The following RNF135 variants were observed in gnomAD, a reference collection of about 807,000 sequenced individuals.
RNF135 encodes E3 ubiquitin-protein ligase RNF135.
In RNF135, 46 loss-of-function variants were observed where a neutral mutation model predicts 41.9. That is an observed-to-expected ratio of 1.10 (90% confidence interval 0.87 to 1.40). The LOEUF is 1.40. RNF135 is among the 40% of genes most tolerant of loss of function. RNF135 has a pLI of 0.00. For synonymous variants in RNF135, 238 were observed against 223.8 expected (o/e 1.06, Z -0.57); for missense variants, 539 against 549.8 (o/e 0.98, Z 0.20).
the RNF135 span, among the ~76,000 whole-genome samples, chr17:30,962,925 T>C: frequency 1.3e-5 from 2 of 152,072 alleles, no homozygotes; most frequent in Non-Finnish European, 2.9e-5. Context: ...TCACCAACAG[T>C]TGGTGTTGTC....
chr17:30,995,963 G>A (rs1006186282), intron 3 of RNF135, among the ~76,000 whole-genome samples: 3 of 151,854 alleles, frequency 2.0e-5, no homozygotes, highest in African/African-American at 7.3e-5. Flanking sequence ...TTTTAGTAGA[G>A]ATGGGGTTTC....
intron 1 of RNF135, among the ~76,000 whole-genome samples, chr17:30,981,264 G>T (rs1026406225): frequency 2.0e-5 from 3 of 149,106 alleles, no homozygotes; most frequent in South Asian, 2.1e-4. Context: ...ACAGGCTGAG[G>T]CAGGAGAATC....
At chr17:30,983,915 T>C (rs1907405691) in intron 1 of RNF135, among the ~76,000 whole-genome samples, 1 of 152,342 alleles carries the variant, frequency 6.6e-6, no homozygotes, top group African/African-American at 2.4e-5. Flanking sequence ...GAGAAATAGC[T>C]ATTCAAGTTC....
intron 1 of RNF135, among the ~76,000 whole-genome samples, chr17:30,981,022 T>TGGA (rs539056260): frequency 2.2e-5 from 3 of 138,060 alleles, no homozygotes; most frequent in Non-Finnish European, 3.1e-5. Flanking sequence ...GGCTGGGAGG[T>TGGA]GGTTGTAGCG....
chr17:30,978,560 C>T (rs1310613987), intron 1 of RNF135: 1 of 151,952 alleles, frequency 6.6e-6, no homozygotes, highest in Non-Finnish European at 1.5e-5. Flanking sequence ...TCTTCGATTC[C>T]AGAATTTCTG....
rs558799748 is a variant in RNF135 at position 30,992,169 on chromosome 17, T to C, written c.679+4063T>C. Among the ~76,000 whole-genome samples, 14 of 152,142 alleles carry C rather than the reference T, an allele frequency of 9.2e-5. No homozygotes were observed. In the South Asian group the frequency reaches 2.9e-3, roughly 32 times the overall value. On this transcript the variant is annotated intron_variant, in intron 3 of 4. Coordinates refer to ENST00000328381, the MANE Select transcript of RNF135 (RefSeq NM_032322.4). Reference sequence around the variant, plus strand: ...CTGGTCTCAAACTCTTGACCTCAGGTGATCCACCTGCCTTGGCTTCCCAAT... The same window carrying C: ...CTGGTCTCAAACTCTTGACCTCAGGCGATCCACCTGCCTTGGCTTCCCAAT...
the RNF135 span, among the ~76,000 whole-genome samples, chr17:30,963,095 T>G: frequency 9.4e-6 from 1 of 106,332 alleles, no homozygotes; most frequent in Non-Finnish European, 1.6e-5. Context: ...TTCCCTAGCT[T>G]TTTTTTTTTT....
chr17:30,976,873 C>G (rs999897340), intron 1 of RNF135, among the ~76,000 whole-genome samples: 19 of 151,978 alleles, frequency 1.3e-4, no homozygotes, highest in East Asian at 5.8e-4. Flanking sequence ...ATCATTGGGT[C>G]TTGTTTTTTT....
At chr17:30,969,638 C>A (rs79057693), upstream of RNF135, among the ~76,000 whole-genome samples, 155 of 152,322 alleles carry the variant, frequency 1.0e-3, 3 homozygotes, top group East Asian at 0.028. Flanking sequence ...CCAGTCCTAC[C>A]ATGTGCCCAG....
the RNF135 span, among the ~76,000 whole-genome samples, chr17:30,961,893 A>G: frequency 6.6e-5 from 10 of 152,192 alleles, no homozygotes; most frequent in African/African-American, 2.2e-4. Context: ...ACAAGCATGT[A>G]AACTACTGTG....
chr17:30,997,677 TCA>T, intron 4 of RNF135: 1 of 406,636 alleles, frequency 2.5e-6, no homozygotes. Context: ...TTCTGCCATC[TCA>T]GTCTGGGATA....
At chr17:30,971,756 A>G (rs1370114868) in intron 1 of RNF135, 1 of 1,230,598 alleles carries the variant, frequency 8.1e-7, no homozygotes, top group Non-Finnish European at 1.0e-6. Flanking sequence ...GGTAAGATCT[A>G]TATAACATTA....
Position 30,971,233 on chromosome 17 carries a change from G to T in RNF135, c.160G>T (p.Ala54Ser). ...GGAGGCCCTGTGGGGCGCCCGCGAC[G>T]CCCGCCGCTGGGCCTGCCCCACTTG... ...CLEALWGARD[A>S]RRWACPTCRQ... Residue 54 changes from alanine (A) to serine (S), a missense_variant, in exon 1 of 5, where the codon GCC (alanine) becomes TCC (serine). By Grantham distance (99) the Ala-to-Ser change is moderately conservative. This residue lies in a region of RNF135 where 277 missense variants were observed against 212.8 expected (regional missense o/e 1.30). Coordinates refer to ENST00000328381, the MANE Select transcript of RNF135 (RefSeq NM_032322.4). 6.6e-7 allele frequency: 1 copy of T among 1,513,316 alleles called. No individual in the cohort carries two copies. The highest frequency in any genetic ancestry group is 8.8e-7 in the Non-Finnish European group (1 of 1,137,364). The allele number at this position is 1,513,316 out of a possible 1,614,324, so 93.7% of individuals were successfully genotyped here.
chr17:30,984,592 G>C, intron 1 of RNF135, 25 bp from the exon 2 acceptor site: 8 of 1,614,080 alleles, frequency 5.0e-6, no homozygotes, highest in Non-Finnish European at 6.8e-6. Context: ...ATAGAACCCA[G>C]GACCTGAACT....
the RNF135 span, among the ~76,000 whole-genome samples, chr17:30,960,096 T>C: frequency 6.6e-6 from 1 of 151,840 alleles, no homozygotes; most frequent in Non-Finnish European, 1.5e-5. Flanking sequence ...TATATGGCTA[T>C]AGAAAGAAAT....
Position 30,999,399 on chromosome 17 carries a change from C to T in RNF135, c.*208C>T, listed in dbSNP as rs11552904. On this transcript the variant is annotated 3_prime_UTR_variant, in exon 5 of 5. Transcript: ENST00000328381. ...AAGGTGCTGGGATTACAGGTGTGAG[C>T]CACCACACCTGGCCAAGAATACCAC... 1.7e-6 allele frequency: 1 copy of T among 589,622 alleles called. No homozygotes were observed. The highest frequency in any genetic ancestry group is 3.0e-6 in the Non-Finnish European group (1 of 331,440). 36.5% of individuals were successfully genotyped at this position (589,622 alleles called of 1,614,324 possible).
intron 1 of RNF135, among the ~76,000 whole-genome samples, chr17:30,980,445 G>C (rs1197074321): frequency 1.4e-5 from 2 of 142,258 alleles, no homozygotes; most frequent in African/African-American, 2.6e-5. Context: ...CAGTAGGGGC[G>C]GCCGGGCAGA....
chr17:30,960,809 G>A, the RNF135 span, among the ~76,000 whole-genome samples: 2 of 147,646 alleles, frequency 1.4e-5, no homozygotes, highest in East Asian at 2.0e-4. Context: ...GCGCAATCTC[G>A]GCTCGCTGCA....
At chr17:30,971,532 C>T in intron 1 of RNF135, 87 bp downstream of exon 1, 3 of 1,389,828 alleles carry the variant, frequency 2.2e-6, no homozygotes, top group South Asian at 1.6e-5. Context: ...CCCCTTTCCT[C>T]AGCCGTTCTA....
Sources: gnomAD v4.1 joint callset for allele counts (sites outside exome capture counted in the v4.1 genomes callset) on GRCh38, gnomAD v4.1.1 for gene constraint, gnomAD v4.1.1 regional missense constraint, MANE v1.5 for transcripts, NCBI Gene and HGNC (gene_info 2026-07-23, HGNC 2026-07-21) for gene names.